The following NRXN1 variants were observed in gnomAD, a reference collection of about 807,000 sequenced individuals.
The protein encoded by NRXN1 is neurexin-1.
Under a neutral mutation model 150.9 loss-of-function variants are expected in NRXN1, and 39 were observed. That is an observed-to-expected ratio of 0.26 (90% confidence interval 0.20 to 0.34). The LOEUF (loss-of-function observed/expected upper bound fraction) is 0.34. Among genes scored for constraint, NRXN1 ranks in the 10% least tolerant of loss-of-function variants. The pLI is 1.00. For synonymous variants in NRXN1, 924 were observed against 757.0 expected (o/e 1.22, Z -3.62); for missense variants, 1,815 against 1,949.9 (o/e 0.93, Z 1.30).
At chr2:51,005,765 C>A (rs1426822602) in intron 2 of NRXN1, among the ~76,000 whole-genome samples, 1 of 151,868 alleles carries the variant, frequency 6.6e-6, no homozygotes, top group Non-Finnish European at 1.5e-5. Context: ...AGTAAAATTA[C>A]AGGAATAAAT....
chr2:49,937,267 C>A (rs536375069), intron 22 of NRXN1, among the ~76,000 whole-genome samples: 10 of 152,322 alleles, frequency 6.6e-5, no homozygotes, highest in Admixed American at 4.6e-4. Flanking sequence ...ATCCATCCAT[C>A]CCAGCACTTA....
intron 19 of NRXN1, among the ~76,000 whole-genome samples, chr2:50,074,588 T>A (rs532451287): frequency 3.0e-4 from 46 of 152,270 alleles, no homozygotes; most frequent in African/African-American, 1.1e-3. Flanking sequence ...TTACATAGAA[T>A]CACAGATCCT....
intron 17 of NRXN1, among the ~76,000 whole-genome samples, chr2:50,458,589 T>C (rs1302717415): frequency 3.3e-5 from 5 of 152,016 alleles, no homozygotes; most frequent in Admixed American, 1.3e-4. Context: ...ATAATTTTTT[T>C]TTTTTTTGAG....
chr2:50,170,435 A>G (rs558704149), intron 18 of NRXN1, among the ~76,000 whole-genome samples: 2 of 152,238 alleles, frequency 1.3e-5, no homozygotes, highest in South Asian at 4.1e-4. Context: ...AGCTGGGACT[A>G]CAGGTGTGCA....
chr2:50,776,944 C>T (rs906436125), intron 5 of NRXN1, among the ~76,000 whole-genome samples: 8 of 152,108 alleles, frequency 5.3e-5, no homozygotes, highest in Non-Finnish European at 1.0e-4. Context: ...TCTCAAAGCA[C>T]GTAAGTACAT....
At chr2:50,437,619 A>G (rs2085555189) in intron 17 of NRXN1, among the ~76,000 whole-genome samples, 1 of 152,058 alleles carries the variant, frequency 6.6e-6, no homozygotes, top group Non-Finnish European at 1.5e-5. Context: ...AGGAAGGAAA[A>G]GGTGGAGGCA....
chr2:50,197,411 A>T (rs190655783), intron 18 of NRXN1, among the ~76,000 whole-genome samples: 2 of 152,234 alleles, frequency 1.3e-5, no homozygotes, highest in East Asian at 3.9e-4. Context: ...ACTTTGGATT[A>T]GTCTCTGAAG....
chr2:50,511,648 C>A (rs2092456399), intron 12 of NRXN1, among the ~76,000 whole-genome samples: 1 of 152,132 alleles, frequency 6.6e-6, no homozygotes, highest in Admixed American at 6.5e-5. Flanking sequence ...ACCTACCCAT[C>A]CATAAATTCA....
At chr2:50,302,682 G>A (rs556630336) in intron 17 of NRXN1, among the ~76,000 whole-genome samples, 3 of 152,150 alleles carry the variant, frequency 2.0e-5, no homozygotes, top group African/African-American at 7.2e-5. Context: ...CTTTGTTTCT[G>A]CAAACATGAG....
intron 17 of NRXN1, among the ~76,000 whole-genome samples, chr2:50,311,253 C>T (rs2075156007): frequency 6.6e-6 from 1 of 152,194 alleles, no homozygotes. Context: ...AAGTTTCATA[C>T]TTTTCAATTT....
intron 5 of NRXN1, among the ~76,000 whole-genome samples, chr2:50,729,552 C>A (rs966090480): frequency 1.3e-5 from 2 of 152,180 alleles, no homozygotes; most frequent in African/African-American, 4.8e-5. Flanking sequence ...TACGCATGGT[C>A]TTCTGAGGGT....
chr2:50,418,646 T>G (rs962851892), intron 17 of NRXN1, among the ~76,000 whole-genome samples: 2 of 151,998 alleles, frequency 1.3e-5, no homozygotes, highest in Non-Finnish European at 1.5e-5. Flanking sequence ...GGCATACCCT[T>G]GTACAGGAGA....
At chr2:50,630,255 A>C (rs1260088768) in intron 5 of NRXN1, among the ~76,000 whole-genome samples, 1 of 151,704 alleles carries the variant, frequency 6.6e-6, no homozygotes, top group Non-Finnish European at 1.5e-5. Context: ...ACTTCATTGG[A>C]TGTTGTAGAA....
chr2:50,260,495 T>C (rs553838926), intron 17 of NRXN1, among the ~76,000 whole-genome samples: 35 of 151,870 alleles, frequency 2.3e-4, no homozygotes, highest in African/African-American at 6.3e-4. Flanking sequence ...TGTTGTTCTA[T>C]TGGAATACAA....
At chr2:51,030,088 G>C (rs1481338960) in intron 1 of NRXN1, among the ~76,000 whole-genome samples, 1 of 148,586 alleles carries the variant, frequency 6.7e-6, no homozygotes, top group Non-Finnish European at 1.5e-5. Flanking sequence ...TTCTTGAAAT[G>C]GTACAGAAAT....
chr2:50,072,133 G>A (rs1319865425), intron 19 of NRXN1, among the ~76,000 whole-genome samples: 1 of 152,100 alleles, frequency 6.6e-6, no homozygotes, highest in Non-Finnish European at 1.5e-5. Flanking sequence ...ACCATTAAAT[G>A]AATTTTCTTG....
At chr2:50,399,789 T>A (rs2082278285) in intron 17 of NRXN1, among the ~76,000 whole-genome samples, 2 of 60,518 alleles carry the variant, frequency 3.3e-5, no homozygotes, top group African/African-American at 6.6e-5. Context: ...AGAGAACTGG[T>A]AAAAAAAAAA....
chr2:49,935,130 G>A (rs1014931423), intron 22 of NRXN1, among the ~76,000 whole-genome samples: 1 of 152,188 alleles, frequency 6.6e-6, no homozygotes, highest in African/African-American at 2.4e-5. Context: ...GGTAGACTAT[G>A]TTAAGTGCTT....
At chr2:50,397,245 A>G (rs1421551189) in intron 17 of NRXN1, among the ~76,000 whole-genome samples, 1 of 152,124 alleles carries the variant, frequency 6.6e-6, no homozygotes, top group Non-Finnish European at 1.5e-5. Context: ...CCAGAGAGCT[A>G]TTAGAGTGGC....
Sources: allele counts gnomAD v4.1 joint callset (sites outside exome capture counted in the v4.1 genomes callset), GRCh38; gene constraint gnomAD v4.1.1; transcripts MANE v1.5; gene names NCBI Gene and HGNC (gene_info 2026-07-23, HGNC 2026-07-21).